The following PALM2AKAP2 variants were observed in gnomAD, a reference collection of about 807,000 sequenced individuals.
PALM2AKAP2 encodes the protein PALM2 and AKAP2 fusion.
In PALM2AKAP2, 37 loss-of-function variants were observed where a neutral mutation model predicts 71.5. The ratio of observed to expected loss-of-function variants is 0.52; its 90% CI spans 0.40 to 0.68. The LOEUF is 0.68. Among genes scored for constraint, PALM2AKAP2 ranks in the 30% least tolerant of loss-of-function variants. The pLI is 0.00. For synonymous variants in PALM2AKAP2, 468 were observed against 478.8 expected (o/e 0.98, Z 0.29); for missense variants, 1,224 against 1,191.8 (o/e 1.03, Z -0.40).
intron 6 of PALM2AKAP2, among the ~76,000 whole-genome samples, chr9:109,971,401 G>C (rs1832066725): frequency 6.9e-6 from 1 of 145,320 alleles, no homozygotes; most frequent in Admixed American, 7.2e-5. Flanking sequence ...TTTGTCTCCA[G>C]TGCCCCACAC....
intron 5 of PALM2AKAP2, among the ~76,000 whole-genome samples, chr9:109,930,937 G>C (rs12375835): frequency 1.3e-5 from 2 of 152,182 alleles, no homozygotes; most frequent in Non-Finnish European, 2.9e-5. Flanking sequence ...TGCACATGTT[G>C]AGTTTGAGGT....
At chr9:109,877,006 T>TGTGAAGA (rs1423862605) in intron 2 of PALM2AKAP2, among the ~76,000 whole-genome samples, 1 of 152,142 alleles carries the variant, frequency 6.6e-6, no homozygotes, top group Non-Finnish European at 1.5e-5. Flanking sequence ...GGAGGCACTG[T>TGTGAAGA]GTGAAGAACA....
At chr9:109,792,521 A>T (rs1003788420) in intron 1 of PALM2AKAP2, among the ~76,000 whole-genome samples, 1 of 152,140 alleles carries the variant, frequency 6.6e-6, no homozygotes, top group African/African-American at 2.4e-5. Context: ...GAACAGTTCC[A>T]TCACCCCCAA....
chr9:109,722,701 G>C (rs1828424377), intron 1 of PALM2AKAP2, among the ~76,000 whole-genome samples: 1 of 152,160 alleles, frequency 6.6e-6, no homozygotes, highest in Admixed American at 6.6e-5. Flanking sequence ...GAACCCAGGA[G>C]GTTGAAGCCG....
chr9:110,124,425 A>G (rs1214645418), intron 1 of PALM2AKAP2, among the ~76,000 whole-genome samples: 1 of 152,224 alleles, frequency 6.6e-6, no homozygotes, highest in Non-Finnish European at 1.5e-5. Flanking sequence ...AAAAGTGAGT[A>G]CTTCATGGTA....
At chr9:109,779,019 C>G (rs1375926218), upstream of PALM2AKAP2, among the ~76,000 whole-genome samples, 1 of 152,222 alleles carries the variant, frequency 6.6e-6, no homozygotes, top group Non-Finnish European at 1.5e-5. Context: ...ATCCACCCGC[C>G]TTGGCCTCCC....
chr9:110,029,795 C>T (rs1177443676), intron 7 of PALM2AKAP2, among the ~76,000 whole-genome samples: 1 of 152,150 alleles, frequency 6.6e-6, no homozygotes, highest in Non-Finnish European at 1.5e-5. Flanking sequence ...CCCATTTAGG[C>T]AGGGAACCAG....
At chr9:109,902,703 C>G (rs1587996440) in intron 3 of PALM2AKAP2, among the ~76,000 whole-genome samples, 2 of 152,216 alleles carry the variant, frequency 1.3e-5, no homozygotes, top group East Asian at 3.8e-4. Flanking sequence ...ACCTCATGGC[C>G]ACATGACAGA....
At chr9:110,110,288 T>G (rs1835216987) in intron 1 of PALM2AKAP2, among the ~76,000 whole-genome samples, 1 of 152,140 alleles carries the variant, frequency 6.6e-6, no homozygotes, top group South Asian at 2.1e-4. Flanking sequence ...ATCTTAGGCT[T>G]CTTTTGGTTT....
At chr9:109,924,337 G>A (rs904955494) in intron 4 of PALM2AKAP2, among the ~76,000 whole-genome samples, 7 of 152,146 alleles carry the variant, frequency 4.6e-5, no homozygotes, top group African/African-American at 1.7e-4. Context: ...AACAGATGGT[G>A]CCTGTAATCC....
At chr9:110,088,264 G>T (rs10465125) in intron 1 of PALM2AKAP2, among the ~76,000 whole-genome samples, 43,204 of 151,896 alleles carry the variant, frequency 0.28, 8,040 homozygotes, top group African/African-American at 0.53. Flanking sequence ...AGTGGCTCAT[G>T]ATTAGTCTGA....
chr9:109,923,401 G>A (rs889084071), intron 3 of PALM2AKAP2, among the ~76,000 whole-genome samples: 1 of 152,206 alleles, frequency 6.6e-6, no homozygotes, highest in Admixed American at 6.5e-5. Context: ...TCCTTCTGAT[G>A]TTATGTCCTA....
intron 1 of PALM2AKAP2, among the ~76,000 whole-genome samples, chr9:109,791,461 G>A (rs544510149): frequency 6.6e-6 from 1 of 152,278 alleles, no homozygotes; most frequent in East Asian, 1.9e-4. Flanking sequence ...GGCAGTGGAG[G>A]GAGCCTTTTC....
intron 1 of PALM2AKAP2, among the ~76,000 whole-genome samples, chr9:109,677,488 T>A (rs891637274): frequency 6.6e-6 from 1 of 151,976 alleles, no homozygotes; most frequent in Non-Finnish European, 1.5e-5. Context: ...GCCAACATGG[T>A]GAAACCCCGT....
chr9:109,687,746 GCTAA>G (rs761226823), intron 1 of PALM2AKAP2, among the ~76,000 whole-genome samples: 5 of 152,166 alleles, frequency 3.3e-5, no homozygotes, highest in Non-Finnish European at 4.4e-5. Flanking sequence ...TCACAACTTG[GCTAA>G]CTGTTTGGCA....
At chr9:110,086,106 C>CAAAAA (rs34871967) in intron 1 of PALM2AKAP2, among the ~76,000 whole-genome samples, 1 of 80,248 alleles carries the variant, frequency 1.2e-5, no homozygotes, top group East Asian at 4.4e-4. Context: ...GACTCCATCT[C>CAAAAA]AAAAAAAAAA....
intron 1 of PALM2AKAP2, among the ~76,000 whole-genome samples, chr9:109,709,821 G>C (rs1227925500): frequency 2.6e-5 from 4 of 152,182 alleles, no homozygotes; most frequent in Non-Finnish European, 5.9e-5. Context: ...TCCTTCAGGT[G>C]TATACAACCT....
chr9:109,818,575 C>G (rs993903791), intron 1 of PALM2AKAP2, among the ~76,000 whole-genome samples: 4 of 152,168 alleles, frequency 2.6e-5, no homozygotes, highest in Admixed American at 2.6e-4. Flanking sequence ...ATTAAACATA[C>G]TACCTGCTAA....
chr9:110,103,584 C>T (rs1835049850), intron 1 of PALM2AKAP2, among the ~76,000 whole-genome samples: 1 of 152,206 alleles, frequency 6.6e-6, no homozygotes, highest in African/African-American at 2.4e-5. Context: ...ATAAATCCTT[C>T]ATCTTTGACC....
Sources: allele counts gnomAD v4.1 joint callset (sites outside exome capture counted in the v4.1 genomes callset), GRCh38; gene constraint gnomAD v4.1.1; transcripts MANE v1.5; gene names NCBI Gene and HGNC (gene_info 2026-07-23, HGNC 2026-07-21).